DOK5: variants seen among roughly 807,000 people sequenced by gnomAD.
DOK5 encodes downstream of tyrosine kinase 5.
In DOK5, 27 loss-of-function variants were observed where a neutral mutation model predicts 43.3. The ratio of observed to expected loss-of-function variants is 0.62; its 90% CI spans 0.46 to 0.86. The LOEUF (loss-of-function observed/expected upper bound fraction) is 0.86, where lower values mean the gene tolerates loss of function less well. Ranked by LOEUF, DOK5 falls within the 40% of genes least tolerant of loss-of-function variation. The probability of loss-of-function intolerance (pLI) is 0.00; values close to 1 mark genes in which losing one functional copy is unlikely to be tolerated. For synonymous variants in DOK5, 146 were observed against 140.1 expected (o/e 1.04, Z -0.30); for missense variants, 373 against 392.9 (o/e 0.95, Z 0.43).
chr20:54,639,706 T>C (rs2180462), intron 6 of DOK5, among the ~76,000 whole-genome samples: 123,556 of 152,124 alleles, frequency 0.81, 50,412 homozygotes, highest in East Asian at 1. Flanking sequence ...CCTCATTTAA[T>C]GTTGTTGATA....
At chr20:54,593,236 G>A (rs975073497) in intron 5 of DOK5, among the ~76,000 whole-genome samples, 2 of 149,660 alleles carry the variant, frequency 1.3e-5, no homozygotes, top group African/African-American at 5.0e-5. Flanking sequence ...CAGCCTGGGT[G>A]ACAGAGCGAG....
intron 5 of DOK5, among the ~76,000 whole-genome samples, chr20:54,603,749 C>T (rs534431553): frequency 1.5e-4 from 23 of 152,126 alleles, no homozygotes; most frequent in African/African-American, 5.1e-4. Context: ...AGATCAAGTC[C>T]GTATTACAAG....
chr20:54,562,219 C>A (rs898991485), intron 2 of DOK5, among the ~76,000 whole-genome samples: 7 of 152,130 alleles, frequency 4.6e-5, no homozygotes, highest in African/African-American at 1.2e-4. Flanking sequence ...CAGGCCCTTA[C>A]GGTTCCCAGG....
intron 6 of DOK5, among the ~76,000 whole-genome samples, chr20:54,641,486 A>T (rs1334581598): frequency 6.6e-6 from 1 of 151,818 alleles, no homozygotes; most frequent in Admixed American, 6.6e-5. Context: ...TTTCTTTAAG[A>T]GATTGGAAAT....
chr20:54,591,510 A>G, intron 4 of DOK5, 106 bp from the exon 5 acceptor site: 1 of 874,472 alleles, frequency 1.1e-6, no homozygotes, highest in Non-Finnish European at 1.7e-6. Context: ...TGCAACCGAA[A>G]TCTAGAATGT....
intron 6 of DOK5, among the ~76,000 whole-genome samples, chr20:54,635,282 T>C (rs983403069): frequency 3.3e-5 from 5 of 152,234 alleles, no homozygotes; most frequent in Admixed American, 6.5e-5. Flanking sequence ...AAGCTGTCTC[T>C]TGTGGGGAAA....
chr20:54,515,908 A>G (rs1983183335), intron 1 of DOK5, among the ~76,000 whole-genome samples: 2 of 152,224 alleles, frequency 1.3e-5, no homozygotes, highest in Admixed American at 1.3e-4. Context: ...CTTTTATGCA[A>G]TTCTGTGATG....
chr20:54,605,046 CGT>C (rs1300399442), intron 5 of DOK5, among the ~76,000 whole-genome samples: 13,877 of 143,776 alleles, frequency 0.097, 1,896 homozygotes, highest in African/African-American at 0.31. Context: ...CACACACACA[CGT>C]ATACACACAC....
At chr20:54,503,219 A>G (rs1982678067) in intron 1 of DOK5, among the ~76,000 whole-genome samples, 1 of 152,200 alleles carries the variant, frequency 6.6e-6, no homozygotes, top group Admixed American at 6.5e-5. Context: ...ATGTGAATGT[A>G]TTACTTTTTC....
chr20:54,550,662 G>C (rs552300901), intron 1 of DOK5, among the ~76,000 whole-genome samples: 1 of 152,074 alleles, frequency 6.6e-6, no homozygotes, highest in African/African-American at 2.4e-5. Flanking sequence ...AGATTTGGCT[G>C]TTTTTTTCAC....
chr20:54,554,895 G>A (rs772179484), intron 1 of DOK5, 38 bp from the exon 2 acceptor site: 30 of 1,285,578 alleles, frequency 2.3e-5, no homozygotes, highest in Non-Finnish European at 3.3e-5. Flanking sequence ...ATGTCAGTCA[G>A]GGGAGATGCT....
In DOK5 at chr20:54,650,583, G is replaced by A. The variant is rs1432175670; in HGVS notation, c.*104G>A. On this transcript the variant is annotated 3_prime_UTR_variant, in exon 8 of 8. Transcript: ENST00000262593. ...AGGGAAATGACGACCAAGAGAAGAA[G>A]CTTAAAGTCCTGGCTAATTGTGTGG... 9 of 1,069,900 alleles carry A rather than the reference G, an allele frequency of 8.4e-6. No individual in the cohort carries two copies. The African/African-American group carries it at 1.3e-4, about 15-fold the overall frequency. 66.3% of individuals were successfully genotyped at this position (1,069,900 alleles called of 1,614,324 possible).
chr20:54,565,009 AT>A (rs961255472), intron 2 of DOK5, among the ~76,000 whole-genome samples: 3 of 151,098 alleles, frequency 2.0e-5, no homozygotes, highest in Non-Finnish European at 3.0e-5. Flanking sequence ...GCTCTCCCCC[AT>A]TTTTTTTCTC....
At chr20:54,533,783 A>T (rs1248408921) in intron 1 of DOK5, among the ~76,000 whole-genome samples, 1 of 152,144 alleles carries the variant, frequency 6.6e-6, no homozygotes, top group African/African-American at 2.4e-5. Context: ...CAATATTTTT[A>T]TTTCTGATTT....
At chr20:54,492,071 T>C (rs1299032226) in intron 1 of DOK5, among the ~76,000 whole-genome samples, 3 of 151,880 alleles carry the variant, frequency 2.0e-5, no homozygotes, top group African/African-American at 7.3e-5. Flanking sequence ...TATATATAAA[T>C]TCATATGTCA....
chr20:54,629,493 C>T (rs1978466292), intron 6 of DOK5, among the ~76,000 whole-genome samples: 2 of 152,182 alleles, frequency 1.3e-5, no homozygotes, highest in African/African-American at 2.4e-5. Flanking sequence ...AGCACTTTAC[C>T]AGATTCCTTT....
intron 1 of DOK5, among the ~76,000 whole-genome samples, chr20:54,502,905 GA>G (rs1312854602): frequency 6.6e-6 from 1 of 152,006 alleles, no homozygotes; most frequent in Admixed American, 6.6e-5. Flanking sequence ...CTTTCACTTA[GA>G]TTTTTTTCCT....
intron 1 of DOK5, among the ~76,000 whole-genome samples, chr20:54,543,636 T>C (rs1214834091): frequency 6.6e-6 from 1 of 150,978 alleles, no homozygotes; most frequent in Non-Finnish European, 1.5e-5. Flanking sequence ...AGGGAGAGGA[T>C]TACGTATAGC....
At chr20:54,648,903 A>G (rs1036996317) in intron 7 of DOK5, among the ~76,000 whole-genome samples, 2 of 152,098 alleles carry the variant, frequency 1.3e-5, no homozygotes, top group African/African-American at 4.8e-5. Context: ...CATCTCAGCA[A>G]TCTTTACCCT....
Sources: gnomAD v4.1 joint callset for allele counts (sites outside exome capture counted in the v4.1 genomes callset) on GRCh38, gnomAD v4.1.1 for gene constraint, MANE v1.5 for transcripts, NCBI Gene and HGNC (gene_info 2026-07-23, HGNC 2026-07-21) for gene names.